Variants in CYRIB observed in about 807,000 individuals in gnomAD.
CYRIB encodes the protein CYFIP-related Rac1 interactor B.
CYRIB carries 8 observed loss-of-function variants against 44.2 expected under a neutral mutation model. The ratio of observed to expected loss-of-function variants is 0.18; its 90% CI spans 0.11 to 0.33. The LOEUF is 0.33. CYRIB is among the 10% of genes least tolerant of loss of function. CYRIB has a pLI of 1.00. For synonymous variants in CYRIB, 131 were observed against 127.2 expected, an observed-to-expected ratio of 1.03 and a Z score of -0.20; for missense variants, 185 against 382.8, an observed-to-expected ratio of 0.48 and a Z score of 4.31.
At chr8:129,986,449 T>C (rs949773563) in intron 1 of CYRIB, among the ~76,000 whole-genome samples, 2 of 152,224 alleles carry the variant, frequency 1.3e-5, no homozygotes, top group Non-Finnish European at 1.5e-5. Context: ...ATCCCCAATG[T>C]GGCAGTGTTC....
intron 1 of CYRIB, among the ~76,000 whole-genome samples, chr8:129,913,241 G>C (rs1309793263): frequency 1.3e-5 from 2 of 152,132 alleles, no homozygotes; most frequent in Non-Finnish European, 2.9e-5. Flanking sequence ...AAAGTGCTGG[G>C]ATTACAGGCG....
intron 2 of CYRIB, among the ~76,000 whole-genome samples, chr8:129,893,076 G>C (rs969628200): frequency 6.6e-6 from 1 of 152,178 alleles, no homozygotes; most frequent in Non-Finnish European, 1.5e-5. Context: ...GATGCTCAGA[G>C]AACACGTATG....
intron 6 of CYRIB, among the ~76,000 whole-genome samples, chr8:129,854,727 T>C (rs563327610): frequency 6.6e-6 from 1 of 152,312 alleles, no homozygotes; most frequent in African/African-American, 2.4e-5. Flanking sequence ...CTGACTGTGA[T>C]ACAACTATAA....
At chr8:129,929,624 C>G (rs1261529837) in intron 1 of CYRIB, among the ~76,000 whole-genome samples, 1 of 151,972 alleles carries the variant, frequency 6.6e-6, no homozygotes, top group South Asian at 2.1e-4. Flanking sequence ...AGCCAAAAAC[C>G]AGTGAGAAAA....
chr8:129,854,671 G>C (rs2045218077), intron 6 of CYRIB, among the ~76,000 whole-genome samples: 1 of 152,204 alleles, frequency 6.6e-6, no homozygotes, highest in Non-Finnish European at 1.5e-5. Context: ...AAGTATGTAG[G>C]TATGGTCAAC....
intron 2 of CYRIB, among the ~76,000 whole-genome samples, chr8:129,882,613 G>A (rs1283597682): frequency 6.6e-6 from 1 of 152,140 alleles, no homozygotes; most frequent in Non-Finnish European, 1.5e-5. Flanking sequence ...TATGCATGGA[G>A]AAGAGGGAGA....
chr8:129,930,114 G>A (rs1007941747), intron 1 of CYRIB, among the ~76,000 whole-genome samples: 1 of 151,750 alleles, frequency 6.6e-6, no homozygotes, highest in South Asian at 2.1e-4. Flanking sequence ...AGGAAGCTGA[G>A]GCAGGAGAAT....
intron 3 of CYRIB, among the ~76,000 whole-genome samples, chr8:129,876,095 G>A (rs1273999625): frequency 3.3e-5 from 5 of 150,880 alleles, no homozygotes; most frequent in South Asian, 2.1e-4. Context: ...CTTGGGTGAC[G>A]GAGTGAGACT....
chr8:129,993,748 G>C (rs1230248777), intron 1 of CYRIB, among the ~76,000 whole-genome samples: 1 of 151,664 alleles, frequency 6.6e-6, no homozygotes, highest in African/African-American at 2.4e-5. Context: ...AGTAGTCCCA[G>C]CTACTTGTGA....
At chr8:129,954,212 T>G (rs1189929216) in intron 2 of CYRIB, among the ~76,000 whole-genome samples, 2 of 152,150 alleles carry the variant, frequency 1.3e-5, no homozygotes, top group Non-Finnish European at 2.9e-5. Flanking sequence ...CAGTATTTAC[T>G]TAGCTTTTTA....
chr8:129,981,376 C>A lies in CYRIB; in HGVS notation c.-295-10381G>T, dbSNP rs527861074. 1.2e-3 allele frequency among the ~76,000 whole-genome samples: 185 copies of A among 152,256 alleles called. 1 individual carries two copies. The highest frequency in any genetic ancestry group is 6.8e-3 in the Middle Eastern group (2 of 294). The stretch of plus-strand genomic sequence containing the variant: ...ATGTCGGCCAGGCTGGTATTGAACT[C>A]CTGGACTCAAAAGATCTGCCAACCT... On this transcript the variant is annotated intron_variant, in intron 1 of 14. Coordinates refer to the CYRIB transcript ENST00000401979.
chr8:129,979,840 G>A (rs911897182), intron 1 of CYRIB, among the ~76,000 whole-genome samples: 4 of 152,162 alleles, frequency 2.6e-5, no homozygotes, highest in African/African-American at 7.2e-5. Context: ...AGAATTGCTT[G>A]AAGCCAGGAG....
At chr8:129,971,929 C>G (rs1292543054) in intron 1 of CYRIB, among the ~76,000 whole-genome samples, 1 of 152,180 alleles carries the variant, frequency 6.6e-6, no homozygotes, top group African/African-American at 2.4e-5. Context: ...GTGTGAAGAT[C>G]TGAGCAAAGT....
intron 1 of CYRIB, among the ~76,000 whole-genome samples, chr8:129,991,757 C>T (rs1591960703): frequency 6.6e-6 from 1 of 151,772 alleles, no homozygotes; most frequent in East Asian, 1.9e-4. Context: ...CGAGACCAAC[C>T]TAGCCAACAT....
intron 1 of CYRIB, among the ~76,000 whole-genome samples, chr8:129,917,235 T>A (rs2081204490): frequency 6.6e-6 from 1 of 152,146 alleles, no homozygotes; most frequent in Non-Finnish European, 1.5e-5. Context: ...TCCATCCAAG[T>A]TAGAAAACAC....
intron 2 of CYRIB, among the ~76,000 whole-genome samples, chr8:129,951,502 C>A (rs1381488280): frequency 1.3e-5 from 2 of 150,632 alleles, no homozygotes; most frequent in Admixed American, 1.3e-4. Flanking sequence ...GTCAGGAGTT[C>A]GAGACCAGCC....
At chr8:129,914,751 GAAC>G (rs1483554378) in intron 1 of CYRIB, among the ~76,000 whole-genome samples, 2 of 152,112 alleles carry the variant, frequency 1.3e-5, no homozygotes, top group East Asian at 1.9e-4. Context: ...TAAAAATCAT[GAAC>G]AACATAATTT....
At chr8:129,996,380 A>C (rs1028138846) in intron 1 of CYRIB, among the ~76,000 whole-genome samples, 2 of 151,938 alleles carry the variant, frequency 1.3e-5, no homozygotes, top group African/African-American at 4.8e-5. Flanking sequence ...TGTGAAAGGG[A>C]CTCATCCACC....
rs2095812751 is a variant in CYRIB at position 129,973,857 on chromosome 8, C to T, written c.-295-2862G>A. Reference sequence around the variant, plus strand: ...TACCCAACTAGCCTTCTAACCAACTCCCTCCTTTCTCCCACCCAGTCCCTC... The same window carrying T: ...TACCCAACTAGCCTTCTAACCAACTTCCTCCTTTCTCCCACCCAGTCCCTC... On this transcript the variant is annotated intron_variant, in intron 1 of 14. Coordinates refer to the CYRIB transcript ENST00000401979. Among the ~76,000 whole-genome samples the T allele has an allele frequency of 2.0e-5, 3 of 152,234 alleles. No individual in the cohort carries two copies. The South Asian group carries it at 6.2e-4, about 32-fold the overall frequency.
Sources: gnomAD v4.1 joint callset for allele counts (sites outside exome capture counted in the v4.1 genomes callset) on GRCh38, gnomAD v4.1.1 for gene constraint, MANE v1.5 for transcripts, NCBI Gene and HGNC (gene_info 2026-07-23, HGNC 2026-07-21) for gene names.